TTC27: variants seen among roughly 807,000 people sequenced by gnomAD.
TTC27 encodes the protein tetratricopeptide repeat domain 27.
Under a neutral mutation model 115.9 loss-of-function variants are expected in TTC27, and 79 were observed. The observed-to-expected ratio is 0.68, with a 90% CI of 0.57 to 0.82. The LOEUF (loss-of-function observed/expected upper bound fraction) is 0.82, where lower values mean the gene tolerates loss of function less well. TTC27 is among the 40% of genes least tolerant of loss of function. The pLI, the probability that TTC27 is intolerant of heterozygous loss-of-function variation, is 0.00. For missense variants in TTC27, 1,054 were observed against 993.1 expected, an observed-to-expected ratio of 1.06 and a Z score of -0.82; for synonymous variants, 401 against 356.0, an observed-to-expected ratio of 1.13 and a Z score of -1.42.
chr2:32,750,794 G>A (rs116398971), intron 12 of TTC27, among the ~76,000 whole-genome samples: 1,649 of 152,224 alleles, frequency 0.011, 29 homozygotes, highest in African/African-American at 0.037. Context: ...TACATCAAAT[G>A]GATTTTTGTA....
intron 13 of TTC27, among the ~76,000 whole-genome samples, chr2:32,775,944 G>T (rs1669983762): frequency 6.6e-6 from 1 of 152,120 alleles, no homozygotes; most frequent in Non-Finnish European, 1.5e-5. Flanking sequence ...CAGCAAGTGT[G>T]GTTTGGTGCA....
At chr2:32,662,619 C>G (rs1280349751) in intron 5 of TTC27, among the ~76,000 whole-genome samples, 2 of 152,076 alleles carry the variant, frequency 1.3e-5, no homozygotes, top group African/African-American at 2.4e-5. Context: ...GTGATATCCC[C>G]TTTATCATTT....
At chr2:32,755,663 C>T (rs1265141965) in intron 12 of TTC27, among the ~76,000 whole-genome samples, 1 of 148,522 alleles carries the variant, frequency 6.7e-6, no homozygotes. Context: ...CGGAGCCATT[C>T]TACATTCTAA....
Position 32,692,036 on chromosome 2 carries a change from G to GTTTTTTT in TTC27, c.1120-10751_1120-10745dup, listed in dbSNP as rs779547700. Among the ~76,000 whole-genome samples the GTTTTTTT allele has an allele frequency of 6.4e-4, 39 of 61,208 alleles. 6 individuals carry two copies. The highest frequency in any genetic ancestry group is 2.4e-3 in the East Asian group (4 of 1,652). The allele number at this position is 61,208 out of a possible 152,430, so 40.2% of individuals were successfully genotyped here. ...GGGATATTCTTTTTTAATTTTTTAG[G>GTTTTTTT]TTTTTTTTTTTTTTTTTTTTTTTTT... is the stretch of plus-strand genomic sequence containing the variant. On this transcript the variant is annotated intron_variant, in intron 9 of 19. Transcript: ENST00000317907.
At chr2:32,643,704 C>T (rs889398931) in intron 4 of TTC27, among the ~76,000 whole-genome samples, 29 of 152,176 alleles carry the variant, frequency 1.9e-4, no homozygotes, top group South Asian at 8.3e-4. Context: ...ATGAGTGAGA[C>T]GGTTTTTAAG....
chr2:32,788,357 T>C lies in TTC27; in HGVS notation c.1998+1208T>C, dbSNP rs566009002. On this transcript the variant is annotated intron_variant, in intron 16 of 19. Transcript: ENST00000317907. Reference sequence around the variant, plus strand: ...GCAAAAAGGGACCTTAGAAGTCCTCTAGGGCCAGGCTGAATTAGTTTACAC... The same window carrying C: ...GCAAAAAGGGACCTTAGAAGTCCTCCAGGGCCAGGCTGAATTAGTTTACAC... 2.5e-4 allele frequency among the ~76,000 whole-genome samples: 38 copies of C among 152,194 alleles called. 1 individual carries two copies. Among genetic ancestry groups the C allele is most frequent in the Non-Finnish European group, 4.6e-4 (31 of 68,012 alleles).
intron 7 of TTC27, among the ~76,000 whole-genome samples, chr2:32,669,353 T>C (rs1456177780): frequency 6.6e-6 from 1 of 152,226 alleles, no homozygotes; most frequent in Non-Finnish European, 1.5e-5. Flanking sequence ...TCTTTGTTAA[T>C]TACTACTTGA....
At chr2:32,754,872 G>A (rs1444200329) in intron 12 of TTC27, among the ~76,000 whole-genome samples, 3 of 149,642 alleles carry the variant, frequency 2.0e-5, no homozygotes, top group Non-Finnish European at 4.5e-5. Flanking sequence ...CCAGGCGGGG[G>A]GGCTGACCCC....
intron 12 of TTC27, among the ~76,000 whole-genome samples, chr2:32,752,328 TAAC>T (rs1328019428): frequency 6.6e-6 from 1 of 152,214 alleles, no homozygotes. Flanking sequence ...AGTGATAAAT[TAAC>T]AACAGCCTTT....
rs553357949 is a variant in TTC27, at chr2:32,693,973, A to G, written c.1120-8834A>G. On this transcript the variant is annotated intron_variant, in intron 9 of 19. Transcript: ENST00000317907. ...AATAAAATGAACAACAAAACAGCAA[A>G]AACAGCAAACTTGTATCGAGAACAA... 3.9e-5 allele frequency among the ~76,000 whole-genome samples: 6 copies of G among 152,358 alleles called. No individual in the cohort carries two copies. The South Asian group carries it at 1.0e-3, about 26-fold the overall frequency.
At chr2:32,675,674 T>C (rs1426487863) in intron 8 of TTC27, among the ~76,000 whole-genome samples, 2 of 152,230 alleles carry the variant, frequency 1.3e-5, no homozygotes, top group South Asian at 2.1e-4. Context: ...GATTTTCTTA[T>C]ATTGGCTGAT....
At chr2:32,790,542 T>TACCC (rs1422679126) in intron 16 of TTC27, among the ~76,000 whole-genome samples, 1 of 152,204 alleles carries the variant, frequency 6.6e-6, no homozygotes, top group African/African-American at 2.4e-5. Flanking sequence ...CTGATTAACA[T>TACCC]ACCCACCACC....
At chr2:32,642,586 A>G (rs187632940) in intron 4 of TTC27, among the ~76,000 whole-genome samples, 14 of 152,146 alleles carry the variant, frequency 9.2e-5, no homozygotes, top group African/African-American at 2.9e-4. Flanking sequence ...TTAGAAGGGA[A>G]GTGGTGCCTC....
chr2:32,733,924 G>A lies in TTC27; in HGVS notation c.1329+1G>A. 1.9e-6 allele frequency: 3 copies of A among 1,605,560 alleles called. No individual in the cohort carries two copies. Among genetic ancestry groups the A allele is most frequent in the Non-Finnish European group, 1.7e-6 (2 of 1,174,672 alleles). ...AGTACCACCTCACTGGGCCATTCAG[G>A]TATTTCTGTTGTTTGTCATTGGGTA... On this transcript the variant is annotated splice_donor_variant, in intron 11 of 19. Coordinates refer to ENST00000317907, the MANE Select transcript of TTC27 (RefSeq NM_017735.5). LOFTEE classifies it high-confidence loss of function.
intron 10 of TTC27, among the ~76,000 whole-genome samples, chr2:32,724,573 GC>G (rs1447214857): frequency 6.6e-6 from 1 of 152,040 alleles, no homozygotes; most frequent in African/African-American, 2.4e-5. Flanking sequence ...TCAAGAACAT[GC>G]CTTTTTAAAA....
chr2:32,682,478 G>T (rs1666465052), intron 9 of TTC27, among the ~76,000 whole-genome samples: 1 of 152,102 alleles, frequency 6.6e-6, no homozygotes, highest in African/African-American at 2.4e-5. Context: ...AAATGGATAA[G>T]ATCTGCTTGG....
chr2:32,815,297 C>T (rs908053200), intron 18 of TTC27, among the ~76,000 whole-genome samples: 2 of 121,362 alleles, frequency 1.6e-5, no homozygotes, highest in South Asian at 2.8e-4. Context: ...AGTGCAGTGG[C>T]GCGATCTCGG....
At chr2:32,817,115 G>A (rs987492054) in intron 18 of TTC27, among the ~76,000 whole-genome samples, 1 of 151,988 alleles carries the variant, frequency 6.6e-6, no homozygotes, top group African/African-American at 2.4e-5. Context: ...GATAGAGAAA[G>A]GCCAGGTGCA....
intron 13 of TTC27, among the ~76,000 whole-genome samples, chr2:32,758,818 T>C (rs1016290560): frequency 6.6e-6 from 1 of 152,152 alleles, no homozygotes; most frequent in African/African-American, 2.4e-5. Context: ...TTTGAGCGGA[T>C]ATGTTAGGAA....
Sources: allele counts gnomAD v4.1 joint callset (sites outside exome capture counted in the v4.1 genomes callset), GRCh38; gene constraint gnomAD v4.1.1; transcripts MANE v1.5; gene names NCBI Gene and HGNC (gene_info 2026-07-23, HGNC 2026-07-21).